The following NEGR1 variants were observed in gnomAD, a reference collection of about 807,000 sequenced individuals.
The protein encoded by NEGR1 is IgLON family member 4.
Under a neutral mutation model 40.9 loss-of-function variants are expected in NEGR1, and 10 were observed. That is an observed-to-expected ratio of 0.24 (90% CI 0.15 to 0.42). The LOEUF (loss-of-function observed/expected upper bound fraction) is 0.42, where lower values mean the gene tolerates loss of function less well. NEGR1 is among the 10% of genes least tolerant of loss of function. The pLI, the probability that NEGR1 is intolerant of heterozygous loss-of-function variation, is 1.00. For missense variants in NEGR1, 352 were observed against 438.9 expected (o/e 0.80, Z 1.77); for synonymous variants, 185 against 166.8 (o/e 1.11, Z -0.84).
chr1:71,849,721 C>T (rs974881812), intron 2 of NEGR1, among the ~76,000 whole-genome samples: 15 of 152,012 alleles, frequency 9.9e-5, no homozygotes, highest in Non-Finnish European at 4.4e-5. Context: ...CCACAGTCAC[C>T]CCAACCTTCA....
At chr1:71,710,427 A>G (rs549243450) in intron 3 of NEGR1, among the ~76,000 whole-genome samples, 6 of 152,336 alleles carry the variant, frequency 3.9e-5, no homozygotes, top group South Asian at 2.1e-4. Context: ...CTGTACTCCT[A>G]TGTTTGTGGC....
chr1:71,616,347 T>C (rs990733688), intron 4 of NEGR1, among the ~76,000 whole-genome samples: 3 of 152,194 alleles, frequency 2.0e-5, no homozygotes, highest in African/African-American at 4.8e-5. Context: ...GTGAACGCTA[T>C]TGTGAACTGC....
At chr1:72,232,608 TTCTTTTAGTG>T (rs1335705359) in intron 1 of NEGR1, among the ~76,000 whole-genome samples, 1 of 152,258 alleles carries the variant, frequency 6.6e-6, no homozygotes, top group East Asian at 1.9e-4. Flanking sequence ...AATATTTTTT[TTCTTTTAGTG>T]TAATAGCAAT....
intron 2 of NEGR1, among the ~76,000 whole-genome samples, chr1:71,805,081 G>A (rs1657708057): frequency 6.6e-6 from 1 of 152,108 alleles, no homozygotes. Context: ...GTCTCCCTTA[G>A]CGCTCCCAGG....
intron 2 of NEGR1, among the ~76,000 whole-genome samples, chr1:71,880,916 G>T (rs918801918): frequency 2.0e-5 from 3 of 151,914 alleles, no homozygotes; most frequent in Admixed American, 6.6e-5. Context: ...GTGAAATTTG[G>T]CTTTTTGAAG....
At chr1:71,945,162 G>C (rs564228818) in intron 1 of NEGR1, among the ~76,000 whole-genome samples, 51 of 152,160 alleles carry the variant, frequency 3.4e-4, no homozygotes, top group African/African-American at 1.2e-3. Flanking sequence ...CATCTTTCTT[G>C]TGTACTAGGC....
At chr1:72,056,948 G>C (rs904872655) in intron 1 of NEGR1, among the ~76,000 whole-genome samples, 68 of 151,450 alleles carry the variant, frequency 4.5e-4, no homozygotes, top group African/African-American at 1.6e-3. Context: ...TTGGTCATGA[G>C]GTACAGTCTT....
chr1:72,085,848 T>C (rs752050944), intron 1 of NEGR1, among the ~76,000 whole-genome samples: 1 of 151,070 alleles, frequency 6.6e-6, no homozygotes, highest in Non-Finnish European at 1.5e-5. Flanking sequence ...TGTGCACCTG[T>C]AGACCCAGCT....
Position 71,946,565 on chromosome 1 carries a change from A to G in NEGR1, c.177-11254T>C, listed in dbSNP as rs184567962. 1.1e-4 allele frequency among the ~76,000 whole-genome samples: 16 copies of G among 152,266 alleles called. No individual in the cohort carries two copies. In the East Asian group the frequency reaches 3.1e-3, roughly 29 times the overall value. Reference sequence around the variant, plus strand: ...CAAGATGAACAAACTCTACTTTAAAATAAACGCTACGTTGCTTTTTCTCCT... The same window carrying G: ...CAAGATGAACAAACTCTACTTTAAAGTAAACGCTACGTTGCTTTTTCTCCT... On this transcript the variant is annotated intron_variant, in intron 1 of 6. Transcript: ENST00000357731.
At chr1:72,276,824 T>C (rs1341721718) in intron 1 of NEGR1, among the ~76,000 whole-genome samples, 2 of 152,136 alleles carry the variant, frequency 1.3e-5, no homozygotes, top group East Asian at 3.9e-4. Context: ...TTAAACCGTT[T>C]TGGATATTTA....
intron 3 of NEGR1, among the ~76,000 whole-genome samples, chr1:71,701,619 C>A (rs567342401): frequency 3.4e-3 from 523 of 152,120 alleles, no homozygotes; most frequent in Non-Finnish European, 5.9e-3. Context: ...GTGTCTTTTA[C>A]CATGTAAGGT....
intron 6 of NEGR1, among the ~76,000 whole-genome samples, chr1:71,505,657 G>A (rs558682872): frequency 1.3e-5 from 2 of 152,276 alleles, no homozygotes; most frequent in African/African-American, 4.8e-5. Context: ...TGCATTTTGG[G>A]CAGTCCCTTC....
chr1:72,041,268 T>C (rs895340799), intron 1 of NEGR1, among the ~76,000 whole-genome samples: 4 of 152,058 alleles, frequency 2.6e-5, no homozygotes, highest in Admixed American at 2.6e-4. Context: ...CTTCAGGTCC[T>C]CTTCCAATAG....
At chr1:71,551,966 G>T (rs566833094) in intron 6 of NEGR1, among the ~76,000 whole-genome samples, 44 of 151,104 alleles carry the variant, frequency 2.9e-4, no homozygotes, top group Middle Eastern at 6.8e-3. Flanking sequence ...CTTCTTTTTA[G>T]AATACGCTAT....
chr1:72,196,915 A>G (rs1484823324), intron 1 of NEGR1, among the ~76,000 whole-genome samples: 1 of 152,000 alleles, frequency 6.6e-6, no homozygotes, highest in Admixed American at 6.6e-5. Flanking sequence ...CCATTTTCTA[A>G]TTTTCCTGTG....
intron 1 of NEGR1, among the ~76,000 whole-genome samples, chr1:72,016,185 G>A (rs1443963133): frequency 6.6e-6 from 1 of 151,890 alleles, no homozygotes; most frequent in Non-Finnish European, 1.5e-5. Context: ...GAGAACAGGA[G>A]ATTAAATACA....
At chr1:71,953,924 CTTAA>C (rs1488788256) in intron 1 of NEGR1, among the ~76,000 whole-genome samples, 6 of 151,768 alleles carry the variant, frequency 4.0e-5, no homozygotes, top group Non-Finnish European at 7.4e-5. Context: ...AATAATGTGA[CTTAA>C]TTGAGATATC....
intron 4 of NEGR1, among the ~76,000 whole-genome samples, chr1:71,666,521 A>G (rs1479196962): frequency 1.3e-5 from 2 of 152,178 alleles, no homozygotes; most frequent in Non-Finnish European, 2.9e-5. Flanking sequence ...GGTATAGAAT[A>G]GGCAGTGTTT....
chr1:72,063,138 A>C (rs191451988), intron 1 of NEGR1, among the ~76,000 whole-genome samples: 2 of 152,106 alleles, frequency 1.3e-5, no homozygotes, highest in Non-Finnish European at 2.9e-5. Flanking sequence ...AGCAGTAAAA[A>C]TCATTTTATA....
Sources: allele counts gnomAD v4.1 joint callset (sites outside exome capture counted in the v4.1 genomes callset), GRCh38; gene constraint gnomAD v4.1.1; transcripts MANE v1.5; gene names NCBI Gene and HGNC (gene_info 2026-07-23, HGNC 2026-07-21).